The following MNT variants were observed in gnomAD, a reference collection of about 807,000 sequenced individuals.
The protein encoded by MNT is max-binding protein MNT.
In MNT, 13 loss-of-function variants were observed where a neutral mutation model predicts 40.7. The observed-to-expected ratio is 0.32, with a 90% confidence interval of 0.21 to 0.51. The LOEUF (loss-of-function observed/expected upper bound fraction) is 0.51. Among genes scored for constraint, MNT ranks in the 20% least tolerant of loss-of-function variants. The pLI is 0.98. For synonymous variants in MNT, 426 were observed against 354.8 expected (o/e 1.20, Z -2.26); for missense variants, 757 against 792.0 (o/e 0.96, Z 0.53).
chr17:2,393,948 G>A, intron 4 of MNT, 95 bp downstream of exon 4: 5 of 768,708 alleles, frequency 6.5e-6, no homozygotes, highest in Non-Finnish European at 9.2e-6. Context: ...CGGGGGAGCC[G>A]CCGGGGCGTG....
intron 4 of MNT, among the ~76,000 whole-genome samples, chr17:2,393,290 G>A (rs1283109757): frequency 6.6e-6 from 1 of 151,980 alleles, no homozygotes; most frequent in Non-Finnish European, 1.5e-5. Context: ...GGCCGCCATG[G>A]CAACCGCCTG....
intron 5 of MNT, 22 bp from the exon 6 acceptor site, chr17:2,387,671 G>A (rs1363413305): frequency 4.3e-6 from 7 of 1,613,142 alleles, no homozygotes; most frequent in East Asian, 2.2e-5. Flanking sequence ...ATGGGGCAGG[G>A]AGCAGGTCAG....
At chr17:2,387,780 A>G (rs1240349344) in intron 5 of MNT, 77 bp downstream of exon 5, 1 of 1,547,790 alleles carries the variant, frequency 6.5e-7, no homozygotes, top group Non-Finnish European at 8.7e-7. Flanking sequence ...CAGGCAAGAA[A>G]GAGCCTGGCC....
chr17:2,394,273 G>GCACACACACACACACACACACACACA lies in MNT; in HGVS notation c.695+31_695+32insTGTGTGTGTGTGTGTGTGTGTGTGTG, dbSNP rs879040358. The GCACACACACACACACACACACACACA allele has an allele frequency of 3.1e-5, 42 of 1,352,038 alleles. No individual in the cohort carries two copies. In the African/African-American group the frequency reaches 8.6e-4, roughly 28 times the overall value. The allele number at this position is 1,352,038 out of a possible 1,614,324, so 83.8% of individuals were successfully genotyped here. The stretch of plus-strand genomic sequence containing the variant: ...GGGCCCGGGTCGCGCGCGCACGCAC[G>GCACACACACACACACACACACACACA]CACGCACACACACACACACACACAC... On this transcript the variant is annotated intron_variant, in intron 3 of 5. Transcript: ENST00000174618.
chr17:2,400,892 C>A lies in MNT; in HGVS notation c.-180G>T. The A allele has an allele frequency of 7.6e-5, 26 of 341,498 alleles. No individual in the cohort carries two copies. Among genetic ancestry groups the A allele is most frequent in the South Asian group, 1.5e-4 (2 of 13,506 alleles). 21.2% of individuals were successfully genotyped at this position (341,498 alleles called of 1,614,324 possible). A position where few individuals can be genotyped will look rare whatever the true frequency, so the allele number is the denominator to read the frequency against. ...CACGGGGAGAAAAATCAATGTCTCT[C>A]AAAATATTTGCAAAATATAAAATTG... is the stretch of plus-strand genomic sequence containing the variant. On this transcript the variant is annotated 5_prime_UTR_variant, in exon 1 of 6. Transcript: ENST00000174618.
intron 2 of MNT, among the ~76,000 whole-genome samples, chr17:2,394,607 C>T (rs1035536942): frequency 6.6e-6 from 1 of 152,166 alleles, no homozygotes; most frequent in African/African-American, 2.4e-5. Flanking sequence ...AGCCGGTTGA[C>T]CCCAGCCCTC....
chr17:2,389,081 T>C (rs991923380), intron 4 of MNT, among the ~76,000 whole-genome samples: 2 of 151,674 alleles, frequency 1.3e-5, no homozygotes, highest in African/African-American at 4.8e-5. Context: ...CCTCCTCCCT[T>C]TACCCCCTAG....
intron 1 of MNT, among the ~76,000 whole-genome samples, chr17:2,400,071 T>G (rs1289123726): frequency 6.6e-6 from 1 of 152,084 alleles, no homozygotes; most frequent in African/African-American, 2.4e-5. Context: ...AAGCGGCGCG[T>G]AGATCTGCCG....
At chr17:2,391,917 C>A (rs2066519035) in intron 4 of MNT, 1 of 152,258 alleles carries the variant, frequency 6.6e-6, no homozygotes, top group African/African-American at 2.4e-5. Flanking sequence ...AGCTGGGACT[C>A]AGGTGCAAGC....
Position 2,400,676 on chromosome 17 carries a change from G to C in MNT, c.37C>G (p.Leu13Val). The C allele has an allele frequency of 6.3e-7, 1 of 1,586,220 alleles. No homozygotes were observed. The highest frequency in any genetic ancestry group is 8.5e-7 in the Non-Finnish European group (1 of 1,169,920). Residue 13 changes from leucine to valine, a missense_variant, in exon 1 of 6, where the codon CTG becomes GTG. This residue lies in a region of MNT where 335 missense variants were observed against 291.4 expected (regional missense o/e 1.15). Coordinates refer to ENST00000174618, the MANE Select transcript of MNT (RefSeq NM_020310.3). ...TGTTGTTGCTGCGCTTGCCATTCCAGGAAGCGGGCCGCCTCCAGTAGCGTC... is the reference window on the plus strand; with the variant it reads ...TGTTGTTGCTGCGCTTGCCATTCCACGAAGCGGGCCGCCTCCAGTAGCGTC... ...IETLLEAARFLEWQAQQQQRA... is the reference protein window; with the variant it reads ...IETLLEAARFVEWQAQQQQRA...
At position 2,395,252 on chromosome 17, in the gene MNT, A is replaced by C. The variant is rs1332374636; in HGVS notation, c.276T>G (p.Pro92=). 2.3e-6 allele frequency: 3 copies of C among 1,293,644 alleles called. No individual in the cohort carries two copies. Among genetic ancestry groups the C allele is most frequent in the Non-Finnish European group, 3.1e-6 (3 of 981,944 alleles). 80.1% of individuals were successfully genotyped at this position (1,293,644 alleles called of 1,614,324 possible). Residue 92 remains proline (P), a synonymous_variant, in exon 2 of 6, where the codon CCT becomes CCG. Transcript: ENST00000174618. ...TPAPLTVIPI[P]VVTNSPQPLP... Reference sequence around the variant, plus strand: ...GAGGCTGAGGGGAGTTGGTCACCACAGGGATAGGGATGACAGTCAGTGGGG... The same window carrying C: ...GAGGCTGAGGGGAGTTGGTCACCACCGGGATAGGGATGACAGTCAGTGGGG...
In MNT at chr17:2,395,131, C is replaced by T. The variant is rs1304193088; in HGVS notation, c.397G>A (p.Glu133Lys). Reference protein sequence around the residue: ...LVGAPGLSIKEPAPLPSRPQV... With the variant: ...LVGAPGLSIKKPAPLPSRPQV... ...GGCCTGCTGGGCAGGGGGGCAGGCT[C>T]CTTAATGCTGAGTCCGGGGGCGCCA... Residue 133 changes from glutamate (E) to lysine (K), a missense_variant, in exon 2 of 6, where the codon GAG becomes AAG. Transcript: ENST00000174618. The T allele has an allele frequency of 1.1e-5, 16 of 1,474,086 alleles. No individual in the cohort carries two copies. Among genetic ancestry groups the T allele is most frequent in the Non-Finnish European group, 1.4e-5 (16 of 1,114,754 alleles). The allele number at this position is 1,474,086 out of a possible 1,614,324, so 91.3% of individuals were successfully genotyped here.
At chr17:2,391,798 A>C (rs964022153) in intron 4 of MNT, 6 of 152,230 alleles carry the variant, frequency 3.9e-5, no homozygotes, top group African/African-American at 1.2e-4. Flanking sequence ...CAGCCTCCTG[A>C]CCATGTTTGT....
intron 1 of MNT, among the ~76,000 whole-genome samples, chr17:2,398,752 G>T (rs1344642584): frequency 6.6e-6 from 1 of 152,170 alleles, no homozygotes; most frequent in East Asian, 1.9e-4. Context: ...CCTTGTGCAC[G>T]GTCTTCCCCT....
Position 2,386,894 on chromosome 17 carries a change from C to T in MNT, c.*7G>A. 1 of 1,460,792 alleles carries T rather than the reference C, an allele frequency of 6.8e-7. No individual in the cohort carries two copies. Among genetic ancestry groups the T allele is most frequent in the Non-Finnish European group, 9.1e-7 (1 of 1,103,966 alleles). 90.5% of individuals were successfully genotyped at this position (1,460,792 alleles called of 1,614,324 possible). On this transcript the variant is annotated 3_prime_UTR_variant, in exon 6 of 6. Transcript: ENST00000174618. ...TCCCCACTGGGGGCCTCTGAGTGGCCTCGTCCTCAAGCCAGCTTGAGTGTG... is the reference window on the plus strand; with the variant it reads ...TCCCCACTGGGGGCCTCTGAGTGGCTTCGTCCTCAAGCCAGCTTGAGTGTG...
At chr17:2,400,015 T>A (rs1444509726) in intron 1 of MNT, among the ~76,000 whole-genome samples, 1 of 152,128 alleles carries the variant, frequency 6.6e-6, no homozygotes, top group Admixed American at 6.5e-5. Flanking sequence ...GCCAGGATCA[T>A]AAGACACGCG....
At chr17:2,400,616 C>T (rs765963547) in intron 1 of MNT, 24 bp downstream of exon 1, 4 of 1,570,360 alleles carry the variant, frequency 2.5e-6, no homozygotes, top group South Asian at 2.3e-5. Context: ...CCCAGTGCCC[C>T]AGGGGCCCAG....
intron 1 of MNT, among the ~76,000 whole-genome samples, chr17:2,396,084 A>G (rs1342446619): frequency 6.6e-6 from 1 of 152,148 alleles, no homozygotes; most frequent in East Asian, 1.9e-4. Flanking sequence ...TGCCGTGCTC[A>G]CAAGGAAGTG....
chr17:2,396,635 G>C (rs1419412255), intron 1 of MNT: 2 of 152,588 alleles, frequency 1.3e-5, no homozygotes, highest in East Asian at 3.8e-4. Flanking sequence ...GCTGCCAACA[G>C]GGGAAGGGGA....
Sources: allele counts gnomAD v4.1 joint callset (sites outside exome capture counted in the v4.1 genomes callset), GRCh38; gene constraint gnomAD v4.1.1; regional missense constraint gnomAD v4.1.1; transcripts MANE v1.5; gene names NCBI Gene and HGNC (gene_info 2026-07-23, HGNC 2026-07-21).